The following NECTIN3 variants were observed in gnomAD, a reference collection of about 807,000 sequenced individuals.
NECTIN3 encodes the protein nectin-3.
Under a neutral mutation model 49.4 loss-of-function variants are expected in NECTIN3, and 8 were observed. The observed-to-expected ratio is 0.16, with a 90% CI of 0.10 to 0.29. NECTIN3 has a LOEUF of 0.29. Ranked by LOEUF, NECTIN3 falls within the 10% of genes least tolerant of loss-of-function variation. The pLI, the probability that NECTIN3 is intolerant of heterozygous loss-of-function variation, is 1.00. For missense variants in NECTIN3, 581 were observed against 654.6 expected, an observed-to-expected ratio of 0.89 and a Z score of 1.23; for synonymous variants, 277 against 241.1, an observed-to-expected ratio of 1.15 and a Z score of -1.38.
At chr3:111,160,351 AG>A (rs1293330697) in intron 7 of NECTIN3, among the ~76,000 whole-genome samples, 2 of 152,082 alleles carry the variant, frequency 1.3e-5, no homozygotes, top group Admixed American at 6.5e-5. Context: ...CCTTTCTTTT[AG>A]ATTAATGTTC....
intron 1 of NECTIN3, among the ~76,000 whole-genome samples, chr3:111,083,279 A>G (rs1398124293): frequency 1.3e-5 from 2 of 152,220 alleles, no homozygotes; most frequent in Non-Finnish European, 2.9e-5. Context: ...AGACTATGTC[A>G]GTTGTTATGG....
chr3:111,114,822 C>A (rs1456646883), intron 2 of NECTIN3, among the ~76,000 whole-genome samples: 2 of 151,650 alleles, frequency 1.3e-5, no homozygotes. Flanking sequence ...CAACTAACTG[C>A]AAATAGAGAA....
rs575526650 is a variant in NECTIN3 at position 111,147,560 on chromosome 3, T to G, written c.1221+76T>G. On this transcript the variant is annotated intron_variant, in intron 7 of 8. Transcript: ENST00000493615. The stretch of plus-strand genomic sequence containing the variant: ...TACTAAGCCATTTGTATTATTTCTT[T>G]CAAAATGTTGTTTAGTCATTATGCA... The G allele has an allele frequency of 5.3e-5, 68 of 1,291,234 alleles. No homozygotes were observed. In the East Asian group the frequency reaches 6.6e-4, roughly 13 times the overall value. The allele number at this position is 1,291,234 out of a possible 1,614,324, so 80.0% of individuals were successfully genotyped here.
At chr3:111,111,544 A>G (rs1443256224) in intron 1 of NECTIN3, among the ~76,000 whole-genome samples, 2 of 152,172 alleles carry the variant, frequency 1.3e-5, no homozygotes, top group Non-Finnish European at 2.9e-5. Flanking sequence ...ACCCCAAAAC[A>G]TAATGGCTTT....
intron 7 of NECTIN3, among the ~76,000 whole-genome samples, chr3:111,166,380 GT>G (rs1221321291): frequency 2.0e-4 from 30 of 152,088 alleles, no homozygotes; most frequent in African/African-American, 7.0e-4. Flanking sequence ...TCTGATCCCT[GT>G]CCACTTTCTT....
At chr3:111,090,033 T>G (rs2032167588) in intron 1 of NECTIN3, among the ~76,000 whole-genome samples, 1 of 152,168 alleles carries the variant, frequency 6.6e-6, no homozygotes. Context: ...GCCTTAACAT[T>G]TACTTTGTCT....
chr3:111,167,441 G>T (rs2035340439), intron 7 of NECTIN3, among the ~76,000 whole-genome samples: 1 of 152,090 alleles, frequency 6.6e-6, no homozygotes, highest in Non-Finnish European at 1.5e-5. Flanking sequence ...GAGTAAAAAG[G>T]CCTATGCTAG....
chr3:111,145,241 G>A (rs1487788066), intron 6 of NECTIN3, among the ~76,000 whole-genome samples: 1 of 152,122 alleles, frequency 6.6e-6, no homozygotes, highest in Non-Finnish European at 1.5e-5. Context: ...TAGAGGTATA[G>A]AACAGCTTTA....
At chr3:111,151,002 G>T (rs2034989505) in intron 7 of NECTIN3, among the ~76,000 whole-genome samples, 1 of 151,842 alleles carries the variant, frequency 6.6e-6, no homozygotes, top group Non-Finnish European at 1.5e-5. Context: ...AAGGGGTCGT[G>T]GGGCCAAAAA....
chr3:111,071,873 A>G lies in NECTIN3; in HGVS notation c.-145A>G, dbSNP rs1019241893. 4.2e-6 allele frequency: 2 copies of G among 475,802 alleles called. No individual in the cohort carries two copies. The highest frequency in any genetic ancestry group is 7.9e-5 in the South Asian group (1 of 12,606). 29.5% of individuals were successfully genotyped at this position (475,802 alleles called of 1,614,324 possible). A position where few individuals can be genotyped will look rare whatever the true frequency, so the allele number is the denominator to read the frequency against. ...CGAGGCAGCCGCCAGCGTTCGGCCAAGTGTCAGCCGGCAGCGACGGCGCTA... is the reference window on the plus strand; with the variant it reads ...CGAGGCAGCCGCCAGCGTTCGGCCAGGTGTCAGCCGGCAGCGACGGCGCTA... On this transcript the variant is annotated 5_prime_UTR_variant, in exon 1 of 6. Transcript: ENST00000485303.
intron 4 of NECTIN3, among the ~76,000 whole-genome samples, chr3:111,122,947 A>G (rs1463677047): frequency 6.6e-6 from 1 of 150,986 alleles, no homozygotes; most frequent in Non-Finnish European, 1.5e-5. Flanking sequence ...CTCTTTTTGG[A>G]ACTCCTGTTT....
chr3:111,189,007 T>A (rs2035769629), upstream of NECTIN3, among the ~76,000 whole-genome samples: 2 of 152,180 alleles, frequency 1.3e-5, no homozygotes, highest in Non-Finnish European at 2.9e-5. Context: ...CAAGGAATAG[T>A]CAAGGACTAT....
At chr3:111,179,859 C>T (rs1243853661) in intron 7 of NECTIN3, among the ~76,000 whole-genome samples, 1 of 149,932 alleles carries the variant, frequency 6.7e-6, no homozygotes, top group Non-Finnish European at 1.5e-5. Flanking sequence ...CCACTGCACT[C>T]CAGCCTGGGT....
intron 7 of NECTIN3, among the ~76,000 whole-genome samples, chr3:111,174,422 G>A (rs369318100): frequency 1.1e-4 from 17 of 152,070 alleles, no homozygotes; most frequent in South Asian, 2.1e-4. Flanking sequence ...GTGCTTGACC[G>A]TGGGGTTCTG....
intron 1 of NECTIN3, among the ~76,000 whole-genome samples, chr3:111,096,679 CTG>C (rs2032603393): frequency 6.6e-6 from 1 of 152,174 alleles, no homozygotes; most frequent in Admixed American, 6.5e-5. Flanking sequence ...CCAGCCGTGA[CTG>C]AAAGTGGCCA....
intron 1 of NECTIN3, among the ~76,000 whole-genome samples, chr3:111,084,586 T>C (rs1374042948): frequency 6.6e-6 from 1 of 152,098 alleles, no homozygotes; most frequent in East Asian, 1.9e-4. Flanking sequence ...ATAGGGTGTC[T>C]GAAAGTTTGA....
chr3:111,102,826 AAG>A (rs2107426327), intron 1 of NECTIN3, among the ~76,000 whole-genome samples: 1 of 152,282 alleles, frequency 6.6e-6, no homozygotes, highest in East Asian at 1.9e-4. Flanking sequence ...ATTTTTGTGA[AAG>A]ATATAAAATC....
At position 111,111,883 on chromosome 3, in the gene NECTIN3, ATGTGTGTGTGTGTGCATG is replaced by A. The variant is rs933969151; in HGVS notation, c.161-132_161-115del. ...TTTTGTGTGTGGTGCGTGTGAGTGC[ATGTGTGTGTGTGTGCATG>A]TGTGTGTGTGTGTGTGTGTGTGTGT... On this transcript the variant is annotated intron_variant, in intron 1 of 5. Transcript: ENST00000485303. 1.3e-5 allele frequency: 7 copies of A among 545,954 alleles called. No individual in the cohort carries two copies. In the African/African-American group the frequency reaches 1.3e-4, roughly 10 times the overall value. 33.8% of individuals were successfully genotyped at this position (545,954 alleles called of 1,614,324 possible).
intron 7 of NECTIN3, among the ~76,000 whole-genome samples, chr3:111,170,774 A>G (rs2035419621): frequency 6.6e-6 from 1 of 152,148 alleles, no homozygotes; most frequent in Non-Finnish European, 1.5e-5. Flanking sequence ...GGATGATCAT[A>G]TATTGAGGGT....
Sources: allele counts gnomAD v4.1 joint callset (sites outside exome capture counted in the v4.1 genomes callset), GRCh38; gene constraint gnomAD v4.1.1; transcripts MANE v1.5; gene names NCBI Gene and HGNC (gene_info 2026-07-23, HGNC 2026-07-21).